GULP1: variants seen among roughly 807,000 people sequenced by gnomAD.
The protein encoded by GULP1 is GULP PTB domain containing engulfment adaptor 1.
Under a neutral mutation model 40.9 loss-of-function variants are expected in GULP1, and 19 were observed. The ratio of observed to expected loss-of-function variants is 0.46; its 90% CI spans 0.32 to 0.68. The LOEUF (loss-of-function observed/expected upper bound fraction) is 0.68, where lower values mean the gene tolerates loss of function less well. Among genes scored for constraint, GULP1 ranks in the 30% least tolerant of loss-of-function variants. The pLI is 0.03. For missense variants in GULP1, 312 were observed against 362.2 expected (o/e 0.86, Z 1.12); for synonymous variants, 119 against 117.6 (o/e 1.01, Z -0.08).
chr2:188,502,230 C>A (rs1355839954), intron 4 of GULP1, among the ~76,000 whole-genome samples: 1 of 151,746 alleles, frequency 6.6e-6, no homozygotes, highest in Non-Finnish European at 1.5e-5. Flanking sequence ...ATCTGATATC[C>A]ATGGAAGGTG....
chr2:188,438,753 TAAAACACATGTTTTCAGA>T (rs1179163574), intron 2 of GULP1, among the ~76,000 whole-genome samples: 1 of 144,568 alleles, frequency 6.9e-6, no homozygotes, highest in African/African-American at 2.6e-5. Context: ...ATAAAGTAGT[TAAAACACATGTTTTCAGA>T]CTGAAATAAA....
At chr2:188,413,662 A>G (rs940314992) in intron 2 of GULP1, among the ~76,000 whole-genome samples, 11 of 152,130 alleles carry the variant, frequency 7.2e-5, no homozygotes, top group African/African-American at 2.7e-4. Flanking sequence ...TGTAAGCTCC[A>G]TTGGGGTATA....
intron 2 of GULP1, among the ~76,000 whole-genome samples, chr2:188,409,371 T>C (rs2053569373): frequency 6.6e-6 from 1 of 152,092 alleles, no homozygotes; most frequent in Admixed American, 6.5e-5. Flanking sequence ...ATGGACACAT[T>C]TCTAGATATA....
intron 2 of GULP1, among the ~76,000 whole-genome samples, chr2:188,472,990 TG>T (rs908707875): frequency 2.6e-5 from 4 of 152,118 alleles, no homozygotes; most frequent in Admixed American, 6.6e-5. Flanking sequence ...GTATCTGCTT[TG>T]GGGGGGACCC....
At chr2:188,489,252 A>G (rs1312994853) in intron 4 of GULP1, among the ~76,000 whole-genome samples, 2 of 152,056 alleles carry the variant, frequency 1.3e-5, no homozygotes, top group Non-Finnish European at 1.5e-5. Context: ...CCTTGTTGAA[A>G]CATCCCAAAT....
chr2:188,510,904 G>C (rs750806991), intron 4 of GULP1, among the ~76,000 whole-genome samples: 6 of 151,794 alleles, frequency 4.0e-5, no homozygotes, highest in Non-Finnish European at 7.4e-5. Flanking sequence ...GCTTAAAATA[G>C]GGTTTTTATT....
At chr2:188,424,590 C>A (rs975329421) in intron 2 of GULP1, among the ~76,000 whole-genome samples, 7 of 151,870 alleles carry the variant, frequency 4.6e-5, no homozygotes, top group Non-Finnish European at 1.0e-4. Context: ...AGTAATAATT[C>A]TTTAATGTCA....
At chr2:188,559,818 G>A (rs765915438) in intron 7 of GULP1, among the ~76,000 whole-genome samples, 2 of 152,128 alleles carry the variant, frequency 1.3e-5, no homozygotes, top group Non-Finnish European at 2.9e-5. Context: ...AAGGGACCTG[G>A]TGGAGATAAT....
chr2:188,555,679 G>T (rs934597807), intron 7 of GULP1, among the ~76,000 whole-genome samples: 1 of 152,084 alleles, frequency 6.6e-6, no homozygotes, highest in African/African-American at 2.4e-5. Context: ...TATAATGTGC[G>T]ATGGTGACTG....
chr2:188,527,660 A>T (rs776979910), intron 5 of GULP1, among the ~76,000 whole-genome samples: 13 of 152,198 alleles, frequency 8.5e-5, no homozygotes, highest in Non-Finnish European at 1.6e-4. Flanking sequence ...AAGTTCGTAG[A>T]GCAAGACAGA....
chr2:188,463,327 A>G (rs1575420609), intron 2 of GULP1, among the ~76,000 whole-genome samples: 1 of 152,148 alleles, frequency 6.6e-6, no homozygotes, highest in Non-Finnish European at 1.5e-5. Flanking sequence ...CACTTTAATT[A>G]TGTCATGCCA....
chr2:188,421,874 A>C (rs1236027369), intron 2 of GULP1, among the ~76,000 whole-genome samples: 1 of 152,152 alleles, frequency 6.6e-6, no homozygotes, highest in Non-Finnish European at 1.5e-5. Context: ...TATCATTTGA[A>C]CTTTATCCAA....
chr2:188,352,649 C>CACACACACACACACAT (rs374718200), intron 1 of GULP1, among the ~76,000 whole-genome samples: 2,379 of 145,708 alleles, frequency 0.016, 46 homozygotes, highest in African/African-American at 0.035. Context: ...CACACACACA[C>CACACACACACACACAT]GGTTCTGTTT....
intron 1 of GULP1, among the ~76,000 whole-genome samples, chr2:188,340,278 C>T (rs1024840308): frequency 1.3e-5 from 2 of 152,140 alleles, no homozygotes; most frequent in Non-Finnish European, 2.9e-5. Context: ...ATCAATAAAA[C>T]AGGTTTAATT....
At chr2:188,394,985 T>C (rs2051032837) in intron 2 of GULP1, among the ~76,000 whole-genome samples, 1 of 152,232 alleles carries the variant, frequency 6.6e-6, no homozygotes, top group South Asian at 2.1e-4. Context: ...TTCCACAGTA[T>C]TTTATTTACT....
intron 1 of GULP1, among the ~76,000 whole-genome samples, chr2:188,343,259 T>A (rs559194141): frequency 6.6e-6 from 1 of 152,070 alleles, no homozygotes; most frequent in Admixed American, 6.5e-5. Context: ...CATGAAGAAA[T>A]GTGGACAGCA....
At chr2:188,380,371 T>C (rs2048858779) in intron 1 of GULP1, among the ~76,000 whole-genome samples, 1 of 152,060 alleles carries the variant, frequency 6.6e-6, no homozygotes. Context: ...TAGGGATGGA[T>C]AGGTGGGGAG....
chr2:188,340,315 G>T (rs1004283643), intron 1 of GULP1, among the ~76,000 whole-genome samples: 4 of 152,202 alleles, frequency 2.6e-5, no homozygotes, highest in Non-Finnish European at 2.9e-5. Flanking sequence ...GACTATGCAG[G>T]AAATATGGTA....
intron 7 of GULP1, among the ~76,000 whole-genome samples, chr2:188,550,859 A>G (rs954240759): frequency 4.0e-5 from 6 of 151,584 alleles, no homozygotes; most frequent in African/African-American, 1.4e-4. Context: ...TAGCCATCCA[A>G]CTTAATGTAA....
Sources: allele counts gnomAD v4.1 joint callset (sites outside exome capture counted in the v4.1 genomes callset), GRCh38; gene constraint gnomAD v4.1.1; transcripts MANE v1.5; gene names NCBI Gene and HGNC (gene_info 2026-07-23, HGNC 2026-07-21).